CSGALNACT1: variants seen among roughly 807,000 people sequenced by gnomAD.
The protein encoded by CSGALNACT1 is chondroitin sulfate N-acetylgalactosaminyltransferase 1, also known as beta4GalNAcT-1.
In CSGALNACT1, 52 loss-of-function variants were observed where a neutral mutation model predicts 51.0. That is an observed-to-expected ratio of 1.02 (90% CI 0.82 to 1.29). CSGALNACT1 has a LOEUF of 1.29. CSGALNACT1 is among the 50% of genes most tolerant of loss of function. The probability of loss-of-function intolerance (pLI) is 0.00; values close to 1 mark genes in which losing one functional copy is unlikely to be tolerated. For synonymous variants in CSGALNACT1, 341 were observed against 254.4 expected (o/e 1.34, Z -3.24); for missense variants, 935 against 679.2 (o/e 1.38, Z -4.19).
chr8:19,717,669 G>GC (rs2062886996), intron 1 of CSGALNACT1, among the ~76,000 whole-genome samples: 1 of 152,194 alleles, frequency 6.6e-6, no homozygotes. Context: ...AGGACCCACT[G>GC]CCCTGAGCTC....
chr8:19,414,870 A>T (rs1409037386), intron 8 of CSGALNACT1, among the ~76,000 whole-genome samples: 1 of 152,234 alleles, frequency 6.6e-6, no homozygotes, highest in Non-Finnish European at 1.5e-5. Context: ...TATAGGTACC[A>T]TCTCTTTCAA....
intron 1 of CSGALNACT1, among the ~76,000 whole-genome samples, chr8:19,722,545 C>T (rs1193032720): frequency 1.3e-5 from 2 of 152,152 alleles, no homozygotes; most frequent in East Asian, 1.9e-4. Context: ...ACACCATTTG[C>T]ACATGGTCTC....
intron 3 of CSGALNACT1, among the ~76,000 whole-genome samples, chr8:19,576,356 C>T (rs914095511): frequency 6.6e-6 from 1 of 152,014 alleles, no homozygotes; most frequent in Non-Finnish European, 1.5e-5. Context: ...TCACACCTGG[C>T]TAATTTTTGT....
chr8:19,472,455 C>T (rs1327693414), intron 4 of CSGALNACT1, among the ~76,000 whole-genome samples: 16 of 152,206 alleles, frequency 1.1e-4, no homozygotes, highest in African/African-American at 2.4e-4. Context: ...CTCTGACTCA[C>T]GTCCATTTTT....
chr8:19,418,272 T>C (rs974513955), intron 8 of CSGALNACT1, among the ~76,000 whole-genome samples: 3 of 152,084 alleles, frequency 2.0e-5, no homozygotes, highest in African/African-American at 4.8e-5. Context: ...CTCTCTGGGG[T>C]GAGCCACCCC....
At chr8:19,640,959 AC>A (rs1191082755) in intron 1 of CSGALNACT1, among the ~76,000 whole-genome samples, 2 of 152,032 alleles carry the variant, frequency 1.3e-5, no homozygotes, top group Non-Finnish European at 2.9e-5. Flanking sequence ...GAGGAATGAA[AC>A]CATAGAGAAA....
intron 5 of CSGALNACT1, among the ~76,000 whole-genome samples, chr8:19,448,817 C>G (rs1217152056): frequency 6.6e-6 from 1 of 152,156 alleles, no homozygotes; most frequent in Non-Finnish European, 1.5e-5. Flanking sequence ...AGTAGTGTCC[C>G]ATGCAAATGA....
intron 3 of CSGALNACT1, among the ~76,000 whole-genome samples, chr8:19,550,731 T>C (rs1337234904): frequency 1.3e-5 from 2 of 152,176 alleles, no homozygotes; most frequent in Non-Finnish European, 2.9e-5. Context: ...TCAAATGTCT[T>C]CAACTGGTCT....
chr8:19,421,761 C>G (rs2057978403), intron 6 of CSGALNACT1, among the ~76,000 whole-genome samples: 1 of 152,210 alleles, frequency 6.6e-6, no homozygotes, highest in African/African-American at 2.4e-5. Flanking sequence ...TCTGCGACTC[C>G]CTCCTTGACT....
Position 19,489,237 on chromosome 8 carries a change from C to G in CSGALNACT1, c.634+15964G>C, listed in dbSNP as rs567516774. Among the ~76,000 whole-genome samples, 43 of 152,222 alleles carry G rather than the reference C, an allele frequency of 2.8e-4. No individual in the cohort carries two copies. In the South Asian group the frequency reaches 8.9e-3, roughly 32 times the overall value. On this transcript the variant is annotated intron_variant, in intron 4 of 9. Transcript: ENST00000454498. ...CCAAACCTACAAATAAATTGCCCTT[C>G]TATTTTACAGAGTAAAATCAAAATA...
At chr8:19,569,516 G>GA (rs34307406) in intron 3 of CSGALNACT1, among the ~76,000 whole-genome samples, 5,035 of 148,220 alleles carry the variant, frequency 0.034, 102 homozygotes, top group Middle Eastern at 0.056. Context: ...TTCTGGAGAT[G>GA]AAAAAAAAAA....
Position 19,505,909 on chromosome 8 carries a change from C to T in CSGALNACT1, c.-75G>A, listed in dbSNP as rs2077248751. The T allele has an allele frequency of 6.3e-7, 1 of 1,575,366 alleles. No individual in the cohort carries two copies. The stretch of plus-strand genomic sequence containing the variant: ...GCCCCCACGGAAGGGCTTCCCTGGG[C>T]TAGACCACAGGAAGCATGCGTTTGG... On this transcript the variant is annotated 5_prime_UTR_variant, in exon 4 of 10. An upstream open reading frame in the 5' UTR loses its in-frame stop. Coordinates refer to ENST00000454498, the Ensembl canonical transcript of CSGALNACT1.
At chr8:19,541,104 GA>G (rs2085004977) in intron 3 of CSGALNACT1, among the ~76,000 whole-genome samples, 1 of 151,454 alleles carries the variant, frequency 6.6e-6, no homozygotes, top group Non-Finnish European at 1.5e-5. Flanking sequence ...TTTTTTAATG[GA>G]GTCTTGCTGT....
chr8:19,408,215 G>A (rs1388388196), intron 9 of CSGALNACT1, among the ~76,000 whole-genome samples: 2 of 152,074 alleles, frequency 1.3e-5, no homozygotes, highest in African/African-American at 4.8e-5. Flanking sequence ...GTCTTATTTG[G>A]AATGACTGAG....
intron 3 of CSGALNACT1, among the ~76,000 whole-genome samples, chr8:19,519,475 C>A (rs60616152): frequency 2.0e-5 from 3 of 152,090 alleles, no homozygotes; most frequent in Non-Finnish European, 2.9e-5. Flanking sequence ...CAGGGGAAGG[C>A]GATGTCCACA....
chr8:19,633,796 A>T (rs560256204), intron 1 of CSGALNACT1, among the ~76,000 whole-genome samples: 28 of 152,308 alleles, frequency 1.8e-4, no homozygotes, highest in African/African-American at 5.1e-4. Context: ...TGAGAAACTG[A>T]TACACATGCC....
At chr8:19,653,792 T>C (rs958800914) in intron 1 of CSGALNACT1, among the ~76,000 whole-genome samples, 1 of 112,154 alleles carries the variant, frequency 8.9e-6, no homozygotes, top group Non-Finnish European at 2.1e-5. Flanking sequence ...AATGATACCT[T>C]GTCTTAAAAA....
rs192034453 is a variant in CSGALNACT1 at position 19,634,159 on chromosome 8, C to A, written c.-543-32294G>T. Among the ~76,000 whole-genome samples, 363 of 152,288 alleles carry A rather than the reference C, an allele frequency of 2.4e-3. 1 individual carries two copies. The highest frequency in any genetic ancestry group is 3.6e-3 in the Non-Finnish European group (242 of 68,010). On this transcript the variant is annotated intron_variant, in intron 1 of 9. Coordinates refer to the CSGALNACT1 transcript ENST00000332246. Reference sequence around the variant, plus strand: ...TAGGACACTTTACGTCATATTTGTTCATTTTGAAAACATATTACTTTCATA... The same window carrying A: ...TAGGACACTTTACGTCATATTTGTTAATTTTGAAAACATATTACTTTCATA...
chr8:19,616,613 A>G (rs2053054209), intron 1 of CSGALNACT1, among the ~76,000 whole-genome samples: 1 of 152,190 alleles, frequency 6.6e-6, no homozygotes. Flanking sequence ...TGAATGATTT[A>G]GGACCAATCC....
Sources: allele counts gnomAD v4.1 joint callset (sites outside exome capture counted in the v4.1 genomes callset), GRCh38; gene constraint gnomAD v4.1.1; transcripts MANE v1.5; gene names NCBI Gene and HGNC (gene_info 2026-07-23, HGNC 2026-07-21).